The following PNPLA6 variants were observed in gnomAD, a reference collection of about 807,000 sequenced individuals.
PNPLA6 encodes the protein patatin-like phospholipase domain-containing protein 6.
In PNPLA6, 105 loss-of-function variants were observed where a neutral mutation model predicts 153.7. The ratio of observed to expected loss-of-function variants is 0.68; its 90% confidence interval spans 0.58 to 0.80. The LOEUF (loss-of-function observed/expected upper bound fraction) is 0.80. Among genes scored for constraint, PNPLA6 ranks in the 30% least tolerant of loss-of-function variants. The pLI is 0.00. For missense variants in PNPLA6, 1,423 were observed against 1,919.3 expected, an observed-to-expected ratio of 0.74 and a Z score of 4.83; for synonymous variants, 825 against 822.2, an observed-to-expected ratio of 1.00 and a Z score of -0.06.
At position 7,540,834 on chromosome 19, in the gene PNPLA6, C is replaced by T. The variant is rs1191733850; in HGVS notation, c.796-89C>T. 4 of 1,589,478 alleles carry T rather than the reference C, an allele frequency of 2.5e-6. No homozygotes were observed. The highest frequency in any genetic ancestry group is 1.3e-5 in the African/African-American group (1 of 74,346). ...CCGTTATGCTGCCGATGGCCCCTCACGGGACTGGCGCCAGGAAGGATTAGG... is the reference window on the plus strand; with the variant it reads ...CCGTTATGCTGCCGATGGCCCCTCATGGGACTGGCGCCAGGAAGGATTAGG... On this transcript the variant is annotated intron_variant, in intron 6 of 31. Transcript: ENST00000600737. This position sits in a 1 kb window ranked among gnomAD's most constrained non-coding sequence, Gnocchi z 6.8.
In PNPLA6 at chr19:7,561,572, C is replaced by A; in HGVS notation, c.*10C>A. 6.3e-7 allele frequency: 1 copy of A among 1,578,548 alleles called. No individual in the cohort carries two copies. Among genetic ancestry groups the A allele is most frequent in the South Asian group, 1.1e-5 (1 of 87,152 alleles). On this transcript the variant is annotated 3_prime_UTR_variant, in exon 32 of 32. Transcript: ENST00000600737. ...AGCCACAGATGCCTGAGGACCTCGA[C>A]AGGGGTCACCCCCTCCCTCCCACCC...
At position 7,559,020 on chromosome 19, in the gene PNPLA6, C is replaced by G; in HGVS notation, c.3568C>G (p.Gln1190Glu). The G allele has an allele frequency of 6.2e-7, 1 of 1,614,194 alleles. No individual in the cohort carries two copies. Among genetic ancestry groups the G allele is most frequent in the Non-Finnish European group, 8.5e-7 (1 of 1,180,038 alleles). The change falls in exon 28 of 32, where the codon CAG becomes GAG. Residue 1190 changes from glutamine to glutamate, a missense_variant. Physicochemically the swap from Gln to Glu is conservative, Grantham distance 29. Transcript: ENST00000600737. The stretch of plus-strand genomic sequence containing the variant: ...AAAGGTTCCAGACATGGCTGAAATC[C>G]AGTCCCGCCTGGCCTACGTGTCCTG... Reference protein sequence around the residue: ...KVKVPDMAEIQSRLAYVSCVR... With the variant: ...KVKVPDMAEIESRLAYVSCVR...
intron 27 of PNPLA6, 113 bp from the exon 28 acceptor site, chr19:7,558,737 C>T: frequency 1.3e-6 from 1 of 781,156 alleles, no homozygotes; most frequent in Non-Finnish European, 2.1e-6. Context: ...TGTGGGTATT[C>T]TCTCTTTTTT....
Position 7,556,430 on chromosome 19 carries a change from C to T in PNPLA6, c.3094-23C>T, listed in dbSNP as rs377740572. 3.4e-6 allele frequency: 5 copies of T among 1,457,222 alleles called. No individual in the cohort carries two copies. The East Asian group carries it at 6.8e-5, about 20-fold the overall frequency. The allele number at this position is 1,457,222 out of a possible 1,614,324, so 90.3% of individuals were successfully genotyped here. Reference sequence around the variant, plus strand: ...TGACCCCATGTAACTCCTATTTGACCCTGTCTGGCCCCTTGTCCCTAGAGC... The same window carrying T: ...TGACCCCATGTAACTCCTATTTGACTCTGTCTGGCCCCTTGTCCCTAGAGC... On this transcript the variant is annotated intron_variant, in intron 24 of 31. Transcript: ENST00000600737.
At position 7,542,067 on chromosome 19, in the gene PNPLA6, G is replaced by T; in HGVS notation, c.1252G>T (p.Gly418Cys). The T allele has an allele frequency of 3.7e-6, 6 of 1,605,246 alleles. No individual in the cohort carries two copies. The highest frequency in any genetic ancestry group is 5.1e-6 in the Non-Finnish European group (6 of 1,179,704). ...RCVSMPGDISGLQGGPRSDFD... is the reference protein window; with the variant it reads ...RCVSMPGDISCLQGGPRSDFD... ...CGTCTCCATGCCAGGGGACATCTCA[G>T]GTTTGGAGCACTGGGTCTGCGGGGA... Residue 418 changes from glycine (G) to cysteine (C), a missense_variant and splice_region_variant, in exon 10 of 32, where the codon GGC (glycine) becomes TGC (cysteine). Physicochemically the swap from Gly to Cys is radical, Grantham distance 159. Transcript: ENST00000600737.
At chr19:7,550,727 G>A in intron 16 of PNPLA6, 87 bp downstream of exon 16, 4 of 1,537,006 alleles carry the variant, frequency 2.6e-6, no homozygotes, top group Non-Finnish European at 3.5e-6. Context: ...GTAATCCAGG[G>A]AGTGGTGAAT....
intron 27 of PNPLA6, 107 bp from the exon 28 acceptor site, chr19:7,558,743 T>C (rs76621775): frequency 1.1e-4 from 82 of 729,412 alleles, no homozygotes; most frequent in Non-Finnish European, 1.6e-4. Flanking sequence ...TATTCTCTCT[T>C]TTTTTTTTGC....
In PNPLA6 at chr19:7,535,971, G is replaced by A. The variant is rs35732838; in HGVS notation, c.183G>A (p.Val61=). 12,356 of 1,581,270 alleles carry A rather than the reference G, an allele frequency of 7.8e-3. 172 individuals are homozygous for A. Among genetic ancestry groups the A allele is most frequent in the African/African-American group, 0.055 (4,112 of 74,800 alleles). Residue 61 remains valine, a synonymous_variant, in exon 1 of 32, where the codon GTG becomes GTA. Coordinates refer to ENST00000600737, the MANE Select transcript of PNPLA6 (RefSeq NM_001166114.2). This position sits in a 1 kb window ranked among gnomAD's most constrained non-coding sequence, Gnocchi z 5.0. ...GVMIGAGVAV[V]VTAVLILLVV... ...TGATCGGGGCCGGAGTGGCGGTGGT[G>A]GTCACGGCCGTGCTCATCCTCCTGG...
Position 7,541,114 on chromosome 19 carries a change from A to G in PNPLA6, c.924+63A>G. 6.5e-7 allele frequency: 1 copy of G among 1,538,562 alleles called. No individual in the cohort carries two copies. Among genetic ancestry groups the G allele is most frequent in the Non-Finnish European group, 8.8e-7 (1 of 1,132,236 alleles). On this transcript the variant is annotated intron_variant, in intron 7 of 31. Coordinates refer to ENST00000600737, the MANE Select transcript of PNPLA6 (RefSeq NM_001166114.2). This position sits in a 1 kb window ranked among gnomAD's most constrained non-coding sequence, Gnocchi z 5.2. ...CCCCACCCTGGCCCCCACCCATTCC[A>G]GGCTCCAAGGGACCGAGGCCCAGCA...
intron 13 of PNPLA6, among the ~76,000 whole-genome samples, chr19:7,543,434 C>G (rs983203729): frequency 1.3e-5 from 2 of 152,202 alleles, no homozygotes; most frequent in African/African-American, 4.8e-5. Flanking sequence ...TCATGCTGAC[C>G]GCTGCCAGGA....
rs1217092543 is a variant in PNPLA6 at position 7,536,186 on chromosome 19, C to T, written c.233-5C>T. The T allele has an allele frequency of 1.2e-6, 2 of 1,606,774 alleles. No individual in the cohort carries two copies. The highest frequency in any genetic ancestry group is 1.3e-5 in the African/African-American group (1 of 74,778). On this transcript the variant is annotated splice_region_variant and splice_polypyrimidine_tract_variant and intron_variant, in intron 1 of 31. Transcript: ENST00000600737. ...CGGAGTGCCCCTGTCCCCACCTATC[C>T]CCAGAAACCCCAGCCCCGGATGGCC...
intron 17 of PNPLA6, 98 bp from the exon 18 acceptor site, chr19:7,551,264 G>A: frequency 7.7e-7 from 1 of 1,298,926 alleles, no homozygotes; most frequent in East Asian, 2.3e-5. Flanking sequence ...TGGGACCCAG[G>A]TAACGGGCAC....
In PNPLA6 at chr19:7,541,371, G is replaced by A; in HGVS notation, c.942G>A (p.Leu314=). The change falls in exon 8 of 32, where the codon CTG becomes CTA. Residue 314 remains leucine, a synonymous_variant. Coordinates refer to ENST00000600737, the MANE Select transcript of PNPLA6 (RefSeq NM_001166114.2). The surrounding 1 kb of genome is among the most constrained non-coding windows in gnomAD (Gnocchi z 5.2). ...CCCTGCAGATCATCATGGTGCGGCT[G>A]CAGCGAGTCACCTTCCTGGCACTGC... is the stretch of plus-strand genomic sequence containing the variant. ...VRVVQIIMVR[L]QRVTFLALHN... 2 of 1,613,866 alleles carry A rather than the reference G, an allele frequency of 1.2e-6. No individual in the cohort carries two copies. The highest frequency in any genetic ancestry group is 1.7e-6 in the Non-Finnish European group (2 of 1,179,880).
rs373083668 is a variant in PNPLA6, at chr19:7,558,881, G to A, written c.3429G>A (p.Thr1143=). The A allele has an allele frequency of 1.2e-5, 20 of 1,612,606 alleles. No individual in the cohort carries two copies. In the African/African-American group the frequency reaches 1.5e-4, roughly 12 times the overall value. The change falls in exon 28 of 32, where the codon ACG becomes ACA. Residue 1143 remains threonine (T), a synonymous_variant. Coordinates refer to ENST00000600737, the MANE Select transcript of PNPLA6 (RefSeq NM_001166114.2). ...ADIARSMGAK[T]VIAIDVGSQD... Reference sequence around the variant, plus strand: ...TCGCCCGCAGCATGGGTGCCAAAACGGTCATCGCCATTGACGTGGGGAGCC... The same window carrying A: ...TCGCCCGCAGCATGGGTGCCAAAACAGTCATCGCCATTGACGTGGGGAGCC...
rs369710615 is a variant in PNPLA6, at chr19:7,561,331, G to A, written c.4023+14G>A. On this transcript the variant is annotated intron_variant, in intron 31 of 31. Transcript: ENST00000600737. The stretch of plus-strand genomic sequence containing the variant: ...GCCTCCGAGATGGTGAGAGTGGGTG[G>A]CCCAGGGTCCCCTCACATCCCCCAG... 2 of 1,574,368 alleles carry A rather than the reference G, an allele frequency of 1.3e-6. No individual in the cohort carries two copies. Among genetic ancestry groups the A allele is most frequent in the Non-Finnish European group, 1.7e-6 (2 of 1,153,924 alleles).
Position 7,540,613 on chromosome 19 carries a change from G to C in PNPLA6, c.715-17G>C, listed in dbSNP as rs372017403. On this transcript the variant is annotated splice_polypyrimidine_tract_variant and intron_variant, in intron 5 of 31. Coordinates refer to ENST00000600737, the MANE Select transcript of PNPLA6 (RefSeq NM_001166114.2). This position sits in a 1 kb window ranked among gnomAD's most constrained non-coding sequence, Gnocchi z 6.8. ...CAGGGCGAGGCCACTGAGGGTCCAC[G>C]GTCTCCTGTGTCTCAGGACGGGAAG... The C allele has an allele frequency of 6.2e-7, 1 of 1,603,686 alleles. No homozygotes were observed. Among genetic ancestry groups the C allele is most frequent in the African/African-American group, 1.3e-5 (1 of 74,822 alleles).
intron 13 of PNPLA6, among the ~76,000 whole-genome samples, chr19:7,543,291 C>T (rs1271470523): frequency 2.0e-5 from 3 of 151,618 alleles, no homozygotes; most frequent in South Asian, 4.2e-4. Context: ...GACCTGTCAA[C>T]CCTTCACCTG....
intron 27 of PNPLA6, among the ~76,000 whole-genome samples, chr19:7,558,383 G>C (rs951631500): frequency 3.9e-5 from 6 of 152,236 alleles, no homozygotes; most frequent in African/African-American, 1.4e-4. Flanking sequence ...TGTAATCCCA[G>C]CACTTTGGGA....
chr19:7,555,372 G>A lies in PNPLA6; in HGVS notation c.2936+5G>A. 3 of 1,530,424 alleles carry A rather than the reference G, an allele frequency of 2.0e-6. No individual in the cohort carries two copies. Among genetic ancestry groups the A allele is most frequent in the South Asian group, 1.2e-5 (1 of 83,876 alleles). 94.8% of individuals were successfully genotyped at this position (1,530,424 alleles called of 1,614,324 possible). A position where few individuals can be genotyped will look rare whatever the true frequency, so the allele number is the denominator to read the frequency against. On this transcript the variant is annotated splice_donor_5th_base_variant and intron_variant, in intron 23 of 31. Coordinates refer to ENST00000600737, the MANE Select transcript of PNPLA6 (RefSeq NM_001166114.2). The surrounding 1 kb of genome is among the most constrained non-coding windows in gnomAD (Gnocchi z 6.3). Reference sequence around the variant, plus strand: ...GCTAGGCGGGGGCGGGGCCAGGTGAGGGCGGGGCTTGCTCTCTGGGGGCGG... The same window carrying A: ...GCTAGGCGGGGGCGGGGCCAGGTGAAGGCGGGGCTTGCTCTCTGGGGGCGG...
Sources: gnomAD v4.1 joint callset for allele counts (sites outside exome capture counted in the v4.1 genomes callset) on GRCh38, gnomAD v4.1.1 for gene constraint, Gnocchi (gnomAD v3.1) non-coding constraint, MANE v1.5 for transcripts, NCBI Gene and HGNC (gene_info 2026-07-23, HGNC 2026-07-21) for gene names.